The following FGGY variants were observed in gnomAD, a reference collection of about 807,000 sequenced individuals.
FGGY encodes FGGY carbohydrate kinase domain-containing protein.
A neutral mutation model predicts 71.3 loss-of-function variants in FGGY; 72 were observed. That is an observed-to-expected ratio of 1.01 (90% CI 0.84 to 1.23). FGGY has a LOEUF of 1.23. Among genes scored for constraint, FGGY ranks in the 50% most tolerant of loss-of-function variants. FGGY has a pLI of 0.00. For missense variants in FGGY, 668 were observed against 682.3 expected, an observed-to-expected ratio of 0.98 and a Z score of 0.23; for synonymous variants, 251 against 250.3, an observed-to-expected ratio of 1.00 and a Z score of -0.02.
intron 5 of FGGY, among the ~76,000 whole-genome samples, chr1:59,396,851 A>G (rs538100840): frequency 6.7e-4 from 102 of 152,338 alleles, no homozygotes; most frequent in African/African-American, 2.3e-3. Context: ...GGAAGCTGTA[A>G]GAGATAGAGT....
chr1:59,756,464 C>T (rs2098292390), intron 14 of FGGY, among the ~76,000 whole-genome samples: 1 of 152,210 alleles, frequency 6.6e-6, no homozygotes, highest in Non-Finnish European at 1.5e-5. Context: ...TGAATAACTA[C>T]TGAAAGAAGT....
intron 14 of FGGY, chr1:59,755,811 T>C (rs2098285048): frequency 6.6e-6 from 1 of 152,168 alleles, no homozygotes; most frequent in Non-Finnish European, 1.5e-5. Flanking sequence ...GATCCTGGAA[T>C]GTTGTCTCAA....
intron 7 of FGGY, among the ~76,000 whole-genome samples, chr1:59,527,823 G>A (rs929400100): frequency 2.6e-5 from 4 of 152,068 alleles, no homozygotes; most frequent in South Asian, 2.1e-4. Context: ...ATCGTTAATC[G>A]AATTCATAAT....
chr1:59,410,315 C>T (rs2153424796), intron 5 of FGGY, among the ~76,000 whole-genome samples: 1 of 152,280 alleles, frequency 6.6e-6, no homozygotes, highest in East Asian at 1.9e-4. Context: ...GGTCTTTACA[C>T]ATGTTCTTCT....
intron 11 of FGGY, among the ~76,000 whole-genome samples, chr1:59,645,254 C>T (rs1177832644): frequency 6.6e-6 from 1 of 152,130 alleles, no homozygotes; most frequent in African/African-American, 2.4e-5. Context: ...TCACTGTCAG[C>T]GCCAGACAGT....
At chr1:59,668,300 G>A (rs1354160989) in intron 13 of FGGY, among the ~76,000 whole-genome samples, 2 of 152,158 alleles carry the variant, frequency 1.3e-5, no homozygotes, top group African/African-American at 2.4e-5. Flanking sequence ...CCTGGGGACT[G>A]GAGACCCATT....
At chr1:59,482,632 G>A (rs61786966) in intron 6 of FGGY, among the ~76,000 whole-genome samples, 2 of 102,178 alleles carry the variant, frequency 2.0e-5, no homozygotes, top group African/African-American at 3.9e-5. Flanking sequence ...GTGTGTCTGT[G>A]TGTATATATA....
intron 5 of FGGY, among the ~76,000 whole-genome samples, chr1:59,426,727 A>G (rs1351579141): frequency 6.6e-6 from 1 of 152,132 alleles, no homozygotes; most frequent in Non-Finnish European, 1.5e-5. Flanking sequence ...CCATGAAGTC[A>G]GGGACCTGCC....
chr1:59,610,871 C>G (rs573143433), intron 9 of FGGY, among the ~76,000 whole-genome samples: 1 of 152,258 alleles, frequency 6.6e-6, no homozygotes. Flanking sequence ...TTATATCCTG[C>G]GCCTGGCTCA....
intron 4 of FGGY, among the ~76,000 whole-genome samples, chr1:59,358,518 C>G (rs950651817): frequency 6.6e-6 from 1 of 151,926 alleles, no homozygotes; most frequent in African/African-American, 2.4e-5. Context: ...GTTTTATTAT[C>G]AAAATTTCAA....
intron 5 of FGGY, among the ~76,000 whole-genome samples, chr1:59,451,139 T>G (rs1168522259): frequency 6.6e-6 from 1 of 152,046 alleles, no homozygotes; most frequent in Non-Finnish European, 1.5e-5. Context: ...GCTTGTTAAT[T>G]TTTTCTTTAT....
chr1:59,414,266 G>A (rs553073231), intron 5 of FGGY, among the ~76,000 whole-genome samples: 46 of 152,262 alleles, frequency 3.0e-4, no homozygotes, highest in African/African-American at 1.1e-3. Flanking sequence ...GTTGATTTGT[G>A]GTGACCTGGC....
At chr1:59,514,699 C>A (rs545046491) in intron 7 of FGGY, among the ~76,000 whole-genome samples, 1 of 152,242 alleles carries the variant, frequency 6.6e-6, no homozygotes, top group South Asian at 2.1e-4. Context: ...ATAAGTCTCA[C>A]GAGATCCGAT....
chr1:59,564,265 G>C (rs1421985908), intron 8 of FGGY, among the ~76,000 whole-genome samples: 1 of 152,174 alleles, frequency 6.6e-6, no homozygotes, highest in Non-Finnish European at 1.5e-5. Context: ...CCTACAAATT[G>C]GGAGAAAAAT....
At chr1:59,569,405 A>G (rs569733577) in intron 8 of FGGY, among the ~76,000 whole-genome samples, 1 of 152,320 alleles carries the variant, frequency 6.6e-6, no homozygotes, top group Admixed American at 6.5e-5. Context: ...TTGAGGTCAA[A>G]GAGATTACAG....
intron 8 of FGGY, among the ~76,000 whole-genome samples, chr1:59,561,726 G>A (rs1478259789): frequency 1.5e-4 from 23 of 152,168 alleles, no homozygotes; most frequent in Admixed American, 1.5e-3. Flanking sequence ...GGAGACTGAG[G>A]CAAAGAGTGG....
Position 59,608,766 on chromosome 1 carries a change from G to A in FGGY, c.1011+856G>A, listed in dbSNP as rs185481900. On this transcript the variant is annotated intron_variant, in intron 9 of 15. Transcript: ENST00000303721. Reference sequence around the variant, plus strand: ...ACAGGAGAATCACTTGAATCTGGGAGGCACAGATTACAGTGAACTGAGAAT... The same window carrying A: ...ACAGGAGAATCACTTGAATCTGGGAAGCACAGATTACAGTGAACTGAGAAT... 3.3e-5 allele frequency among the ~76,000 whole-genome samples: 5 copies of A among 152,232 alleles called. No individual in the cohort carries two copies. In the East Asian group the frequency reaches 9.7e-4, roughly 29 times the overall value.
At chr1:59,437,634 G>A (rs1371298080) in intron 5 of FGGY, among the ~76,000 whole-genome samples, 2 of 152,202 alleles carry the variant, frequency 1.3e-5, no homozygotes, top group Admixed American at 1.3e-4. Context: ...AGCTCGCTCT[G>A]GAGATTATAT....
chr1:59,335,959 C>G (rs1002245660), intron 2 of FGGY, among the ~76,000 whole-genome samples: 6 of 151,950 alleles, frequency 3.9e-5, no homozygotes, highest in Admixed American at 1.3e-4. Context: ...CTTGTCTTTT[C>G]GTTTTCTAAT....
Sources: allele counts gnomAD v4.1 joint callset (sites outside exome capture counted in the v4.1 genomes callset), GRCh38; gene constraint gnomAD v4.1.1; transcripts MANE v1.5; gene names NCBI Gene and HGNC (gene_info 2026-07-23, HGNC 2026-07-21).